SLC26A8: variants seen among roughly 807,000 people sequenced by gnomAD.
SLC26A8 encodes the protein solute carrier family 26 member 8.
Under a neutral mutation model 105.0 loss-of-function variants are expected in SLC26A8, and 70 were observed. That is an observed-to-expected ratio of 0.67 (90% CI 0.55 to 0.81). SLC26A8 has a LOEUF of 0.81. Ranked by LOEUF, SLC26A8 falls within the 40% of genes least tolerant of loss-of-function variation. The probability of loss-of-function intolerance (pLI) is 0.00; values close to 1 mark genes in which losing one functional copy is unlikely to be tolerated. For missense variants in SLC26A8, 998 were observed against 1,181.8 expected (o/e 0.84, Z 2.28); for synonymous variants, 415 against 438.3 (o/e 0.95, Z 0.66).
intron 17 of SLC26A8, among the ~76,000 whole-genome samples, chr6:35,953,518 A>G (rs1384133899): frequency 3.9e-5 from 6 of 152,226 alleles, no homozygotes; most frequent in Admixed American, 2.6e-4. Flanking sequence ...TCAGTCTGGC[A>G]CGTAGTAGAC....
At chr6:35,947,666 C>T (rs763111433) in intron 19 of SLC26A8, among the ~76,000 whole-genome samples, 3 of 152,114 alleles carry the variant, frequency 2.0e-5, no homozygotes, top group Non-Finnish European at 4.4e-5. Flanking sequence ...TGTGGTGGCT[C>T]ATGCCTGTAA....
rs755589263 is a variant in SLC26A8 at position 35,961,011 on chromosome 6, G to T, written c.1550C>A (p.Thr517Asn). 3 of 1,614,056 alleles carry T rather than the reference G, an allele frequency of 1.9e-6. No homozygotes were observed. The highest frequency in any genetic ancestry group is 3.3e-5 in the Admixed American group (2 of 60,010). The change falls in exon 13 of 20, where the codon ACC (threonine) becomes AAC (asparagine). Residue 517 changes from threonine to asparagine, a missense_variant. By Grantham distance (65) the Thr-to-Asn change is moderately conservative (BLOSUM62 0). Coordinates refer to ENST00000490799, the MANE Select transcript of SLC26A8 (RefSeq NM_052961.4). The stretch of plus-strand genomic sequence containing the variant: ...AAAGTACCTGTGTGAACGAACAGTG[G>T]TGATGAAGAAAGCAGAAACTACTGA... ...IISVVSAFFITTVRSHRAKIL... is the reference protein window; with the variant it reads ...IISVVSAFFINTVRSHRAKIL...
intron 4 of SLC26A8, among the ~76,000 whole-genome samples, chr6:35,998,871 C>T (rs954929106): frequency 5.3e-5 from 8 of 152,036 alleles, no homozygotes; most frequent in African/African-American, 1.9e-4. Context: ...TGAATAAAGA[C>T]ATGAGCTATT....
chr6:35,987,360 A>G (rs149712693), intron 7 of SLC26A8, among the ~76,000 whole-genome samples: 2 of 152,086 alleles, frequency 1.3e-5, no homozygotes, highest in African/African-American at 4.8e-5. Flanking sequence ...AGCTAATTTC[A>G]CCTAGGGATT....
chr6:35,948,878 T>G (rs1246391268), intron 19 of SLC26A8, among the ~76,000 whole-genome samples: 2 of 152,106 alleles, frequency 1.3e-5, no homozygotes. Flanking sequence ...TAGTGCCTTA[T>G]AAAAGGGCTG....
In SLC26A8 at chr6:35,986,024, CTTTTTTTTTT is replaced by C. The variant is rs34715373; in HGVS notation, c.943-3831_943-3822del. ...TAGATGCATTACTTCACATATACAT[CTTTTTTTTTT>C]TTTTTTTTTTTTTTTTTGAGACGGA... is the stretch of plus-strand genomic sequence containing the variant. On this transcript the variant is annotated intron_variant, in intron 7 of 19. Transcript: ENST00000490799. Among the ~76,000 whole-genome samples the C allele has an allele frequency of 2.2e-4, 16 of 71,318 alleles. 1 individual carries two copies. In the Admixed American group the frequency reaches 2.3e-3, roughly 10 times the overall value. The allele number at this position is 71,318 out of a possible 152,430, so 46.8% of individuals were successfully genotyped here. A position where few individuals can be genotyped will look rare whatever the true frequency, so the allele number is the denominator to read the frequency against.
intron 8 of SLC26A8, among the ~76,000 whole-genome samples, chr6:35,980,100 G>A (rs1315718072): frequency 6.6e-6 from 1 of 152,204 alleles, no homozygotes; most frequent in Non-Finnish European, 1.5e-5. Flanking sequence ...AGCCTCCCAA[G>A]TAGCTGGGAT....
chr6:36,008,227 T>C (rs993036868), intron 3 of SLC26A8, among the ~76,000 whole-genome samples: 1 of 151,912 alleles, frequency 6.6e-6, no homozygotes, highest in African/African-American at 2.4e-5. Context: ...CCAGGAGTTC[T>C]AGACTGCAGT....
chr6:35,982,059 G>A (rs1773288524), intron 8 of SLC26A8, 62 bp downstream of exon 8: 1 of 1,524,920 alleles, frequency 6.6e-7, no homozygotes, highest in South Asian at 1.1e-5. Context: ...AGGCTGTGTG[G>A]TCAGAGGCTA....
intron 3 of SLC26A8, among the ~76,000 whole-genome samples, chr6:36,011,097 AT>A (rs1268904521): frequency 2.0e-5 from 3 of 152,290 alleles, no homozygotes; most frequent in Non-Finnish European, 2.9e-5. Context: ...AAATGGAGGT[AT>A]TTAAAGACTA....
rs117093135 is a variant in SLC26A8 at position 35,986,953 on chromosome 6, C to T, written c.942+4706G>A. 1.2e-3 allele frequency among the ~76,000 whole-genome samples: 176 copies of T among 152,288 alleles called. 3 individuals are homozygous for T. In the East Asian group the frequency reaches 0.03, roughly 26 times the overall value. ...CATGAGAGTGCAGGTATCTACTCAA[C>T]ATATTGATTTCATTTCCTTTAGATA... On this transcript the variant is annotated intron_variant, in intron 7 of 19. Transcript: ENST00000490799.
Position 35,968,913 on chromosome 6 carries a change from C to T in SLC26A8, c.1329G>A (p.Met443Ile). 6.2e-7 allele frequency: 1 copy of T among 1,611,940 alleles called. No homozygotes were observed. The highest frequency in any genetic ancestry group is 1.1e-5 in the South Asian group (1 of 90,896). Residue 443 changes from methionine to isoleucine, a missense_variant, in exon 11 of 20, where the codon ATG becomes ATA. By Grantham distance (10) the Met-to-Ile change is conservative (BLOSUM62 1). Coordinates refer to ENST00000490799, the MANE Select transcript of SLC26A8 (RefSeq NM_052961.4). ...TGTAGAAAAAGTGTCCCATCTTCACCATCAGGAGCAGCATCACACCTGCGC... is the reference window on the plus strand; with the variant it reads ...TGTAGAAAAAGTGTCCCATCTTCACTATCAGGAGCAGCATCACACCTGCGC... ...LVGAGVMLLLMVKMGHFFYTL... is the reference protein window; with the variant it reads ...LVGAGVMLLLIVKMGHFFYTL...
At chr6:35,968,732 A>AACC (rs1772654234) in intron 11 of SLC26A8, 145 bp downstream of exon 11, 1 of 564,314 alleles carries the variant, frequency 1.8e-6, no homozygotes, top group Admixed American at 3.3e-5. Flanking sequence ...AGGCTGGAGC[A>AACC]ACCATTGGGG....
intron 2 of SLC26A8, among the ~76,000 whole-genome samples, chr6:36,015,310 A>T (rs1761966226): frequency 6.6e-6 from 1 of 152,028 alleles, no homozygotes; most frequent in Admixed American, 6.6e-5. Context: ...ACGGGGTTTC[A>T]CCATGTTGGC....
intron 10 of SLC26A8, among the ~76,000 whole-genome samples, chr6:35,971,013 C>G (rs1021608903): frequency 1.3e-5 from 2 of 151,896 alleles, no homozygotes; most frequent in Non-Finnish European, 2.9e-5. Context: ...GCAACAAGAG[C>G]AAAACTCCAT....
chr6:35,955,301 G>T lies in SLC26A8; in HGVS notation c.2083C>A (p.Pro695Thr). 6.2e-7 allele frequency: 1 copy of T among 1,614,182 alleles called. No homozygotes were observed. The highest frequency in any genetic ancestry group is 8.5e-7 in the Non-Finnish European group (1 of 1,180,034). The part of the protein sequence containing the change: ...LPNNSSRNSS[P>T]GLPDVAESQG... ...CTTTCCGCCACATCAGGCAGTCCTG[G>T]TGAGCTGTTTCTTGATGAGTTATTA... Residue 695 changes from proline to threonine, a missense_variant, in exon 17 of 20, where the codon CCA (proline) becomes ACA (threonine). Coordinates refer to ENST00000490799, the MANE Select transcript of SLC26A8 (RefSeq NM_052961.4).
intron 10 of SLC26A8, among the ~76,000 whole-genome samples, chr6:35,972,370 C>T (rs1376540690): frequency 6.9e-6 from 1 of 144,304 alleles, no homozygotes; most frequent in East Asian, 2.0e-4. Flanking sequence ...GGAGTTTGGA[C>T]AACATAGTGA....
chr6:36,012,392 A>C lies in SLC26A8; in HGVS notation c.189-20T>G. 6.4e-7 allele frequency: 1 copy of C among 1,550,722 alleles called. No homozygotes were observed. The highest frequency in any genetic ancestry group is 2.3e-5 in the Admixed American group (1 of 44,160). On this transcript the variant is annotated intron_variant, in intron 2 of 19. Coordinates refer to ENST00000490799, the MANE Select transcript of SLC26A8 (RefSeq NM_052961.4). ...GAGCAGCTGTGAGAGAGAGGAGCAG[A>C]GACTTGGTTAGTTTCTCCAAAGAAA...
intron 19 of SLC26A8, among the ~76,000 whole-genome samples, chr6:35,945,689 C>T (rs1771635081): frequency 6.6e-6 from 1 of 152,186 alleles, no homozygotes; most frequent in African/African-American, 2.4e-5. Context: ...CTCATTCACA[C>T]TTCCATCATA....
Sources: gnomAD v4.1 joint callset for allele counts (sites outside exome capture counted in the v4.1 genomes callset) on GRCh38, gnomAD v4.1.1 for gene constraint, MANE v1.5 for transcripts, NCBI Gene and HGNC (gene_info 2026-07-23, HGNC 2026-07-21) for gene names.